The following SFI1 variants were observed in gnomAD, a reference collection of about 807,000 sequenced individuals.
SFI1 encodes the protein protein SFI1 homolog.
In SFI1, 195 loss-of-function variants were observed where a neutral mutation model predicts 207.5. The ratio of observed to expected loss-of-function variants is 0.94; its 90% CI spans 0.84 to 1.06. The LOEUF is 1.06. Ranked by LOEUF, SFI1 falls within the 50% of genes least tolerant of loss-of-function variation. The pLI is 0.00. For missense variants in SFI1, 1,634 were observed against 1,588.0 expected (o/e 1.03, Z -0.49); for synonymous variants, 630 against 598.9 (o/e 1.05, Z -0.76).
chr22:31,568,189 GTGTGTTGTGTGTGTGTGTGTGTA>G (rs1203815997), intron 8 of SFI1, among the ~76,000 whole-genome samples: 2 of 78,168 alleles, frequency 2.6e-5, no homozygotes, highest in African/African-American at 4.1e-5. Flanking sequence ...GTGTGTGTGT[GTGTGTTGTGTGTGTGTGTGTGTA>G]TATATATATA....
At chr22:31,573,251 C>G (rs750510220) in intron 9 of SFI1, 37 bp downstream of exon 9, 1 of 1,606,206 alleles carries the variant, frequency 6.2e-7, no homozygotes, top group Non-Finnish European at 8.5e-7. Context: ...GATAGAGGAT[C>G]TGGTCACAGT....
At chr22:31,543,607 C>A (rs117980810) in intron 4 of SFI1, among the ~76,000 whole-genome samples, 1 of 151,802 alleles carries the variant, frequency 6.6e-6, no homozygotes, top group Non-Finnish European at 1.5e-5. Flanking sequence ...CTCAGGAGTT[C>A]GAGACCAGCC....
At chr22:31,523,552 T>A (rs1275417743) in intron 2 of SFI1, among the ~76,000 whole-genome samples, 1 of 152,224 alleles carries the variant, frequency 6.6e-6, no homozygotes, top group East Asian at 1.9e-4. Context: ...AGTAAACAGT[T>A]TGTCTTTAGA....
In SFI1 at chr22:31,583,928, AAG is replaced by A; in HGVS notation, c.1307_1308del (p.Glu436AlafsTer118). 1.9e-6 allele frequency: 3 copies of A among 1,614,178 alleles called. No homozygotes were observed. Among genetic ancestry groups the A allele is most frequent in the Non-Finnish European group, 2.5e-6 (3 of 1,180,030 alleles). ...GGTCTCAGATTGAGCAGAAAAAGGAAAGAGAGCTGCTCCCCTTACTGCATGCT... is the reference window on the plus strand; with the variant it reads ...GGTCTCAGATTGAGCAGAAAAAGGAAAGAGCTGCTCCCCTTACTGCATGCT... ...WRSQIEQKKE[R>X]ELLPLLHAAW... On this transcript the variant is annotated frameshift_variant, in exon 13 of 33. Coordinates refer to ENST00000400288, the MANE Select transcript of SFI1 (RefSeq NM_001007467.3). LOFTEE classifies it high-confidence loss of function.
At chr22:31,612,452 C>T (rs1301462189) in intron 24 of SFI1, 3 of 144,092 alleles carry the variant, frequency 2.1e-5, no homozygotes, top group Admixed American at 1.4e-4. Context: ...CATGATGGCT[C>T]ACGCCTATAA....
chr22:31,558,814 C>T (rs551674749), intron 7 of SFI1, among the ~76,000 whole-genome samples: 2 of 151,816 alleles, frequency 1.3e-5, no homozygotes, highest in African/African-American at 2.4e-5. Flanking sequence ...ATTTACTCAA[C>T]GTACATTTAT....
intron 15 of SFI1, among the ~76,000 whole-genome samples, chr22:31,595,685 A>C (rs996052098): frequency 6.6e-6 from 1 of 152,208 alleles, no homozygotes; most frequent in East Asian, 1.9e-4. Flanking sequence ...GCTCAGAGCT[A>C]GTGCTGAGGG....
At chr22:31,572,296 A>G (rs1240445159) in intron 8 of SFI1, among the ~76,000 whole-genome samples, 2 of 152,192 alleles carry the variant, frequency 1.3e-5, no homozygotes, top group Non-Finnish European at 2.9e-5. Context: ...AGATTAGGAC[A>G]TGCATTATCA....
chr22:31,543,120 G>A (rs190795192), intron 4 of SFI1, among the ~76,000 whole-genome samples: 5 of 151,726 alleles, frequency 3.3e-5, no homozygotes, highest in South Asian at 2.1e-4. Context: ...ACAGGTGCCC[G>A]CCACCACACC....
In SFI1 at chr22:31,615,281, T is replaced by C. The variant is rs1279877930; in HGVS notation, c.3300+2T>C. ...TGCGGGGCGGCTGCACCAGCCAGGGTACGTCCTCCACCACCAGGCCTGGGC... is the reference window on the plus strand; with the variant it reads ...TGCGGGGCGGCTGCACCAGCCAGGGCACGTCCTCCACCACCAGGCCTGGGC... On this transcript the variant is annotated splice_donor_variant, in intron 29 of 32. Coordinates refer to ENST00000400288, the MANE Select transcript of SFI1 (RefSeq NM_001007467.3). LOFTEE classifies it high-confidence loss of function. 1.3e-6 allele frequency: 2 copies of C among 1,485,574 alleles called. No individual in the cohort carries two copies. The highest frequency in any genetic ancestry group is 4.6e-5 in the East Asian group (2 of 43,056). 92.0% of individuals were successfully genotyped at this position (1,485,574 alleles called of 1,614,324 possible).
In SFI1 at chr22:31,561,330, C is replaced by G; in HGVS notation, c.703C>G (p.Arg235Gly). The change falls in exon 8 of 33, where the codon CGT (arginine) becomes GGT (glycine). Residue 235 changes from arginine to glycine, a missense_variant. Physicochemically the swap from Arg to Gly is moderately radical, Grantham distance 125. Coordinates refer to ENST00000400288, the MANE Select transcript of SFI1 (RefSeq NM_001007467.3). ...STWRQRLGQVRVSRALHASAL... is the reference protein window; with the variant it reads ...STWRQRLGQVGVSRALHASAL... ...GTGGAGGCAGCGACTAGGACAGGTC[C>G]GTGTGAGCCGTGCCCTCCATGCCTC... 2 of 1,614,112 alleles carry G rather than the reference C, an allele frequency of 1.2e-6. No homozygotes were observed. The highest frequency in any genetic ancestry group is 1.7e-6 in the Non-Finnish European group (2 of 1,180,000).
intron 24 of SFI1, chr22:31,612,541 AC>A (rs1343024211): frequency 6.6e-6 from 1 of 150,976 alleles, no homozygotes; most frequent in South Asian, 2.1e-4. Flanking sequence ...ACATAGTGAG[AC>A]CCCATCTCTA....
rs529595019 is a variant in SFI1, at chr22:31,617,303, C to T, written c.3512+225C>T. Among the ~76,000 whole-genome samples, 18 of 152,144 alleles carry T rather than the reference C, an allele frequency of 1.2e-4. No individual in the cohort carries two copies. The East Asian group carries it at 2.7e-3, about 23-fold the overall frequency. On this transcript the variant is annotated intron_variant, in intron 31 of 32. Transcript: ENST00000400288. ...CAGTGCTGCTTAGGAAGGCCCAAGT[C>T]GTCAGACTCACCTGTGCACAGAGGC... is the stretch of plus-strand genomic sequence containing the variant.
chr22:31,593,588 C>CG (rs1272891511), intron 15 of SFI1, among the ~76,000 whole-genome samples: 1 of 108,258 alleles, frequency 9.2e-6, no homozygotes, highest in Non-Finnish European at 1.9e-5. Flanking sequence ...ACTTCCCAGA[C>CG]GGGGTGGCGG....
chr22:31,560,827 G>T (rs113518940), intron 7 of SFI1, among the ~76,000 whole-genome samples: 4 of 151,354 alleles, frequency 2.6e-5, no homozygotes, highest in African/African-American at 7.3e-5. Context: ...TCAGCCTCCC[G>T]AGTAGCTGGG....
chr22:31,599,472 A>G (rs1203581183), intron 15 of SFI1, among the ~76,000 whole-genome samples: 1 of 151,714 alleles, frequency 6.6e-6, no homozygotes, highest in Non-Finnish European at 1.5e-5. Flanking sequence ...GACTATAGGC[A>G]CACGCCACCA....
chr22:31,602,333 A>T (rs768968446), intron 16 of SFI1, 40 bp downstream of exon 16: 1 of 1,583,240 alleles, frequency 6.3e-7, no homozygotes, highest in Non-Finnish European at 8.7e-7. Context: ...GAGGGGCAGG[A>T]TCTGATTCAA....
chr22:31,542,818 C>T (rs928733747), intron 4 of SFI1, among the ~76,000 whole-genome samples: 4 of 151,270 alleles, frequency 2.6e-5, no homozygotes, highest in South Asian at 2.1e-4. Context: ...TGCACCACAA[C>T]GCCCAGCTAA....
Position 31,613,372 on chromosome 22 carries a change from G to A in SFI1, c.2584G>A (p.Ala862Thr). 2 of 1,610,404 alleles carry A rather than the reference G, an allele frequency of 1.2e-6. No individual in the cohort carries two copies. The highest frequency in any genetic ancestry group is 2.2e-5 in the East Asian group (1 of 44,788). ...CCTGGAGGTGTGGGCCACGTGGCTG[G>A]CCTTTGTACTGGAAAGGAGGAGAAA... Reference protein sequence around the residue: ...LQAKVWATWLAFVLERRRKKA... With the variant: ...LQAKVWATWLTFVLERRRKKA... Residue 862 changes from alanine to threonine, a missense_variant, in exon 26 of 33, where the codon GCC becomes ACC. Ala to Thr is a moderately conservative substitution (Grantham distance 58). Transcript: ENST00000400288.
Sources: allele counts gnomAD v4.1 joint callset (sites outside exome capture counted in the v4.1 genomes callset), GRCh38; gene constraint gnomAD v4.1.1; transcripts MANE v1.5; gene names NCBI Gene and HGNC (gene_info 2026-07-23, HGNC 2026-07-21).